The following SLC30A8 variants were observed in gnomAD, a reference collection of about 807,000 sequenced individuals.
The protein encoded by SLC30A8 is solute carrier family 30 member 8.
A neutral mutation model predicts 36.9 loss-of-function variants in SLC30A8; 27 were observed. The ratio of observed to expected loss-of-function variants is 0.73; its 90% CI spans 0.54 to 1.01. The LOEUF (loss-of-function observed/expected upper bound fraction) is 1.01. Among genes scored for constraint, SLC30A8 ranks in the 50% least tolerant of loss-of-function variants. SLC30A8 has a pLI of 0.00. For missense variants in SLC30A8, 439 were observed against 452.0 expected (o/e 0.97, Z 0.26); for synonymous variants, 164 against 172.4 (o/e 0.95, Z 0.38).
chr8:116,966,525 C>T (rs10098678), intron 1 of SLC30A8, among the ~76,000 whole-genome samples: 2,223 of 152,164 alleles, frequency 0.015, 62 homozygotes, highest in African/African-American at 0.05. Flanking sequence ...TCCTACAAGT[C>T]GGTAATACCT....
intron 1 of SLC30A8, among the ~76,000 whole-genome samples, chr8:116,988,399 A>G (rs1815520109): frequency 6.6e-6 from 1 of 152,190 alleles, no homozygotes; most frequent in Admixed American, 6.5e-5. Flanking sequence ...TCCCCCTTGC[A>G]TGGACAACTC....
chr8:117,019,648 C>A (rs367741417), intron 1 of SLC30A8, among the ~76,000 whole-genome samples: 1 of 152,260 alleles, frequency 6.6e-6, no homozygotes, highest in East Asian at 1.9e-4. Flanking sequence ...GTAGTAATCC[C>A]AGCACCTAGC....
chr8:116,954,537 A>G (rs1041829352), intron 1 of SLC30A8, among the ~76,000 whole-genome samples: 6 of 152,198 alleles, frequency 3.9e-5, no homozygotes, highest in African/African-American at 1.4e-4. Context: ...AGTATGATAG[A>G]CTAAAAATAT....
intron 2 of SLC30A8, among the ~76,000 whole-genome samples, chr8:117,082,100 G>A (rs1055014544): frequency 6.6e-6 from 1 of 152,192 alleles, no homozygotes; most frequent in South Asian, 2.1e-4. Context: ...CTTATTAACT[G>A]TAATTGGTTC....
intron 1 of SLC30A8, among the ~76,000 whole-genome samples, chr8:116,958,839 T>A (rs766912556): frequency 1.8e-4 from 25 of 138,398 alleles, no homozygotes; most frequent in Non-Finnish European, 3.7e-4. Flanking sequence ...GATGCTCTTT[T>A]CATTTTTTTT....
chr8:117,170,277 A>G (rs1451080810), intron 6 of SLC30A8, among the ~76,000 whole-genome samples: 1 of 152,142 alleles, frequency 6.6e-6, no homozygotes, highest in Admixed American at 6.5e-5. Flanking sequence ...ATTTCCTTTT[A>G]GGTCTGGAAT....
chr8:117,051,964 C>T lies in SLC30A8; in HGVS notation c.-226+12706C>T, dbSNP rs181549843. Among the ~76,000 whole-genome samples the T allele has an allele frequency of 1.9e-3, 296 of 152,288 alleles. 2 individuals carry two copies. Among genetic ancestry groups the T allele is most frequent in the African/African-American group, 6.8e-3 (282 of 41,572 alleles). ...AGGCCTCACCAAAAGCACATACCAG[C>T]GCTATGCTTTGTGTACAGCCTGCAG... On this transcript the variant is annotated intron_variant, in intron 2 of 10. Coordinates refer to the SLC30A8 transcript ENST00000427715.
At chr8:117,128,536 A>G (rs1821004955) in intron 2 of SLC30A8, 1 of 80,820 alleles carries the variant, frequency 1.2e-5, no homozygotes, top group Non-Finnish European at 2.1e-5. Flanking sequence ...AAAAAATAAT[A>G]TGCTCCCTGT....
rs761933921 is a variant in SLC30A8, at chr8:117,147,168, A to C, written c.271+15A>C. The C allele has an allele frequency of 1.2e-5, 20 of 1,611,136 alleles. No individual in the cohort carries two copies. Among genetic ancestry groups the C allele is most frequent in the Non-Finnish European group, 1.7e-5 (20 of 1,178,510 alleles). ...AGAGGTCGTGGGTGAGTCTTTCTGC[A>C]GACTTTTTTCATTAAACAACCAAAC... is the stretch of plus-strand genomic sequence containing the variant. On this transcript the variant is annotated intron_variant, in intron 2 of 7. Transcript: ENST00000456015.
At chr8:116,964,386 A>G (rs533452446) in intron 1 of SLC30A8, among the ~76,000 whole-genome samples, 1 of 152,362 alleles carries the variant, frequency 6.6e-6, no homozygotes, top group East Asian at 1.9e-4. Context: ...ACGTTTTAAC[A>G]GACTTCCACA....
chr8:117,047,250 T>C (rs1817581516), intron 2 of SLC30A8, among the ~76,000 whole-genome samples: 1 of 152,150 alleles, frequency 6.6e-6, no homozygotes, highest in Non-Finnish European at 1.5e-5. Flanking sequence ...ATCCTCACCA[T>C]GATATTGTGA....
chr8:117,016,830 C>T (rs551483647), intron 1 of SLC30A8, among the ~76,000 whole-genome samples: 74 of 152,222 alleles, frequency 4.9e-4, no homozygotes, highest in African/African-American at 1.6e-3. Context: ...TATTCTGAAG[C>T]TTTCTCCATT....
At position 117,161,891 on chromosome 8, in the gene SLC30A8, G is replaced by T. The variant is rs781626809; in HGVS notation, c.723+3G>T. The T allele has an allele frequency of 1.2e-6, 2 of 1,609,158 alleles. No homozygotes were observed. Among genetic ancestry groups the T allele is most frequent in the Non-Finnish European group, 1.7e-6 (2 of 1,176,804 alleles). The stretch of plus-strand genomic sequence containing the variant: ...GTGCACTTATTATCTACTTTAAGGT[G>T]AGTTTGAGTTTACCCACCATCCTAG... On this transcript the variant is annotated splice_donor_region_variant and intron_variant, in intron 5 of 7. Transcript: ENST00000456015.
intron 1 of SLC30A8, among the ~76,000 whole-genome samples, chr8:117,037,357 A>G (rs916657061): frequency 6.6e-6 from 1 of 152,178 alleles, no homozygotes; most frequent in Non-Finnish European, 1.5e-5. Context: ...TTCTTGCTCT[A>G]GATTAGAGGT....
chr8:117,076,724 A>G (rs751884698), intron 2 of SLC30A8, among the ~76,000 whole-genome samples: 3 of 151,518 alleles, frequency 2.0e-5, no homozygotes, highest in Admixed American at 6.6e-5. Context: ...TTATTTATCT[A>G]TCTCCACTGG....
intron 2 of SLC30A8, among the ~76,000 whole-genome samples, chr8:117,087,125 G>C (rs1455283715): frequency 6.6e-6 from 1 of 152,140 alleles, no homozygotes; most frequent in Non-Finnish European, 1.5e-5. Flanking sequence ...TGGAATCTAG[G>C]GATATGGTAG....
chr8:117,141,499 A>C lies in SLC30A8; in HGVS notation c.72-5455A>C, dbSNP rs145382169. Among the ~76,000 whole-genome samples, 1,191 of 152,294 alleles carry C rather than the reference A, an allele frequency of 7.8e-3. 15 individuals carry two copies. The highest frequency in any genetic ancestry group is 0.027 in the African/African-American group (1,132 of 41,568). On this transcript the variant is annotated intron_variant, in intron 1 of 7. Coordinates refer to ENST00000456015, the MANE Select transcript of SLC30A8 (RefSeq NM_173851.3). ...TATATAAACACCTGTGAAACTAGAA[A>C]TAGAACGAAACTTCTTCAAAAGCAT...
At chr8:117,043,881 A>C (rs189766954) in intron 2 of SLC30A8, among the ~76,000 whole-genome samples, 2 of 152,320 alleles carry the variant, frequency 1.3e-5, no homozygotes, top group Non-Finnish European at 2.9e-5. Context: ...TTAGTTCTGC[A>C]ATTATTTTAT....
chr8:117,124,592 A>T (rs538584888), intron 2 of SLC30A8, among the ~76,000 whole-genome samples: 4 of 151,354 alleles, frequency 2.6e-5, no homozygotes, highest in African/African-American at 9.7e-5. Context: ...AATTAGCAAC[A>T]TGACCACATC....
Sources: gnomAD v4.1 joint callset for allele counts (sites outside exome capture counted in the v4.1 genomes callset) on GRCh38, gnomAD v4.1.1 for gene constraint, MANE v1.5 for transcripts, NCBI Gene and HGNC (gene_info 2026-07-23, HGNC 2026-07-21) for gene names.